RANBP2: variants seen among roughly 807,000 people sequenced by gnomAD.
RANBP2 encodes E3 SUMO-protein ligase RanBP2.
RANBP2 carries 57 observed loss-of-function variants against 303.6 expected under a neutral mutation model. That is an observed-to-expected ratio of 0.19 (90% CI 0.15 to 0.23). The LOEUF (loss-of-function observed/expected upper bound fraction) is 0.23. Among genes scored for constraint, RANBP2 ranks in the 10% least tolerant of loss-of-function variants. RANBP2 has a pLI of 1.00. For synonymous variants in RANBP2, 1,167 were observed against 1,301.5 expected, an observed-to-expected ratio of 0.90 and a Z score of 2.23; for missense variants, 3,138 against 3,780.8, an observed-to-expected ratio of 0.83 and a Z score of 4.46.
chr2:109,537,974 C>T, the RANBP2 span, among the ~76,000 whole-genome samples: 1 of 151,930 alleles, frequency 6.6e-6, no homozygotes, highest in African/African-American at 2.4e-5. Flanking sequence ...TACACACACA[C>T]ACACAAACAC....
At chr2:108,996,393 T>C in the RANBP2 span, among the ~76,000 whole-genome samples, 2 of 152,156 alleles carry the variant, frequency 1.3e-5, no homozygotes, top group African/African-American at 2.4e-5. Flanking sequence ...ACTCATGCCT[T>C]CAAGGTGGCT....
chr2:109,632,977 T>G, the RANBP2 span, among the ~76,000 whole-genome samples: 1 of 152,186 alleles, frequency 6.6e-6, no homozygotes, highest in Non-Finnish European at 1.5e-5. Context: ...GTACTCGCGC[T>G]CTGTGGAGAA....
At chr2:108,878,007 A>G in the RANBP2 span, among the ~76,000 whole-genome samples, 3 of 152,214 alleles carry the variant, frequency 2.0e-5, no homozygotes, top group African/African-American at 7.2e-5. Context: ...ATAAGTGAAG[A>G]CAATGGAATG....
At chr2:109,198,739 C>T in the RANBP2 span, among the ~76,000 whole-genome samples, 14 of 152,262 alleles carry the variant, frequency 9.2e-5, no homozygotes, top group East Asian at 2.7e-3. Context: ...CCCTCATGAC[C>T]TAATCACCTT....
the RANBP2 span, among the ~76,000 whole-genome samples, chr2:109,065,590 C>T: frequency 6.6e-6 from 1 of 152,168 alleles, no homozygotes; most frequent in Non-Finnish European, 1.5e-5. Context: ...ACACTGGTGG[C>T]ACTCAGCCTG....
chr2:109,460,485 A>G, the RANBP2 span, among the ~76,000 whole-genome samples: 3 of 152,006 alleles, frequency 2.0e-5, no homozygotes, highest in African/African-American at 7.3e-5. Context: ...CCCATGCATC[A>G]CCTCCATCCA....
intron 1 of RANBP2, 120 bp downstream of exon 1, chr2:108,719,798 C>A: frequency 6.7e-7 from 1 of 1,492,174 alleles, no homozygotes; most frequent in Non-Finnish European, 8.9e-7. Context: ...AGGCGCCGGC[C>A]GGCTGGCGCA....
the RANBP2 span, among the ~76,000 whole-genome samples, chr2:109,189,258 C>T: frequency 6.6e-6 from 1 of 151,868 alleles, no homozygotes; most frequent in African/African-American, 2.4e-5. Flanking sequence ...TCTGGCCAAG[C>T]TTGATCTGGA....
At chr2:108,773,906 C>T (rs770812170) in intron 23 of RANBP2, among the ~76,000 whole-genome samples, 4 of 152,166 alleles carry the variant, frequency 2.6e-5, no homozygotes, top group Admixed American at 1.3e-4. Context: ...CTTGGCCTCC[C>T]AAAGTGCTGG....
the RANBP2 span, among the ~76,000 whole-genome samples, chr2:109,712,208 C>T: frequency 6.6e-6 from 1 of 152,164 alleles, no homozygotes; most frequent in Non-Finnish European, 1.5e-5. Flanking sequence ...CCCTGGCCGG[C>T]TGTGTCAAGT....
chr2:109,222,596 A>T, the RANBP2 span, among the ~76,000 whole-genome samples: 1 of 152,222 alleles, frequency 6.6e-6, no homozygotes, highest in Non-Finnish European at 1.5e-5. Flanking sequence ...CAGCATCCAC[A>T]GCACGCGTGT....
chr2:108,902,531 T>C, the RANBP2 span, among the ~76,000 whole-genome samples: 9 of 152,204 alleles, frequency 5.9e-5, no homozygotes, highest in Admixed American at 5.9e-4. Context: ...TCCTAACTTA[T>C]TCTATGAGGG....
chr2:109,678,290 T>C, the RANBP2 span, among the ~76,000 whole-genome samples: 2 of 152,232 alleles, frequency 1.3e-5, no homozygotes, highest in African/African-American at 2.4e-5. Flanking sequence ...AGAACTACTT[T>C]GTTGTTAGCA....
the RANBP2 span, among the ~76,000 whole-genome samples, chr2:108,935,435 C>A: frequency 1.3e-5 from 2 of 152,244 alleles, no homozygotes; most frequent in African/African-American, 4.8e-5. Context: ...TCAACCAGAT[C>A]TGCAGGTGGT....
the RANBP2 span, among the ~76,000 whole-genome samples, chr2:109,344,322 G>A: frequency 1.6e-4 from 24 of 152,312 alleles, no homozygotes; most frequent in Admixed American, 1.4e-3. Context: ...TGGTGACGGG[G>A]GAGCAGTGTG....
At chr2:108,910,465 G>C in the RANBP2 span, 62 of 1,613,118 alleles carry the variant, frequency 3.8e-5, no homozygotes, top group Non-Finnish European at 2.5e-6. Context: ...CATACCTCTT[G>C]GTGGGCTTTG....
chr2:109,662,668 C>T, the RANBP2 span, among the ~76,000 whole-genome samples: 2 of 152,032 alleles, frequency 1.3e-5, no homozygotes, highest in African/African-American at 2.4e-5. Flanking sequence ...ACCTCAGCTG[C>T]CCAAAGTGCT....
At chr2:109,552,176 G>A in the RANBP2 span, among the ~76,000 whole-genome samples, 3 of 152,310 alleles carry the variant, frequency 2.0e-5, no homozygotes, top group East Asian at 5.8e-4. Flanking sequence ...AGCTGGAACA[G>A]TTTCATCCTG....
Position 108,752,006 on chromosome 2 carries a change from A to T in RANBP2, c.1755+12A>T, listed in dbSNP as rs566038527. ...GCCTTCAGAAAACGGTGAGTTTTAA[A>T]GTATAAGCATTTTTAAAGAACATTA... On this transcript the variant is annotated intron_variant, in intron 12 of 28. Transcript: ENST00000283195. 10 of 1,611,468 alleles carry T rather than the reference A, an allele frequency of 6.2e-6. No individual in the cohort carries two copies. In the Admixed American group the frequency reaches 1.7e-4, roughly 27 times the overall value.
Sources: gnomAD v4.1 joint callset for allele counts (sites outside exome capture counted in the v4.1 genomes callset) on GRCh38, gnomAD v4.1.1 for gene constraint, MANE v1.5 for transcripts, NCBI Gene and HGNC (gene_info 2026-07-23, HGNC 2026-07-21) for gene names.